The following ZDHHC11 variants were observed in gnomAD, a reference collection of about 807,000 sequenced individuals.
ZDHHC11 encodes the protein zDHHC palmitoyltransferase 11.
A neutral mutation model predicts 51.3 loss-of-function variants in ZDHHC11; 44 were observed. That is an observed-to-expected ratio of 0.86 (90% CI 0.67 to 1.10). ZDHHC11 has a LOEUF of 1.10. Ranked by LOEUF, ZDHHC11 falls within the 50% of genes least tolerant of loss-of-function variation. The pLI is 0.00. For missense variants in ZDHHC11, 400 were observed against 537.7 expected, an observed-to-expected ratio of 0.74 and a Z score of 2.53; for synonymous variants, 163 against 222.0, an observed-to-expected ratio of 0.73 and a Z score of 2.36.
chr5:844,525 G>C (rs554846509), intron 3 of ZDHHC11, among the ~76,000 whole-genome samples: 1 of 151,944 alleles, frequency 6.6e-6, no homozygotes, highest in African/African-American at 2.4e-5. Context: ...CAAGGAGCAC[G>C]CGGGCTCGGT....
At chr5:817,341 TTAA>T (rs1160291504) in intron 10 of ZDHHC11, among the ~76,000 whole-genome samples, 2 of 151,630 alleles carry the variant, frequency 1.3e-5, no homozygotes, top group Non-Finnish European at 3.0e-5. Context: ...TAAAAAATTA[TTAA>T]TGTGTTGCTG....
chr5:838,132 C>A (rs1030400344), intron 5 of ZDHHC11, among the ~76,000 whole-genome samples: 1 of 151,846 alleles, frequency 6.6e-6, no homozygotes, highest in African/African-American at 2.4e-5. Flanking sequence ...GGGGCTGAGA[C>A]AGGTCACCAT....
intron 7 of ZDHHC11, among the ~76,000 whole-genome samples, chr5:828,388 G>T: frequency 6.7e-6 from 1 of 149,450 alleles, no homozygotes; most frequent in Admixed American, 6.6e-5. Flanking sequence ...CCTCCTGGAC[G>T]GGGCGGCTGG....
intron 11 of ZDHHC11, among the ~76,000 whole-genome samples, chr5:806,967 T>C (rs1266470324): frequency 1.3e-5 from 2 of 151,038 alleles, no homozygotes; most frequent in African/African-American, 4.9e-5. Flanking sequence ...ATTCTAGCAA[T>C]TGCACCACTA....
chr5:799,542 A>G (rs1030345824), intron 12 of ZDHHC11, among the ~76,000 whole-genome samples: 16 of 151,536 alleles, frequency 1.1e-4, no homozygotes, highest in South Asian at 2.1e-4. Flanking sequence ...TGATGCTCAC[A>G]TGGAAGGATG....
At chr5:834,959 A>G (rs1287303691) in intron 6 of ZDHHC11, among the ~76,000 whole-genome samples, 1 of 151,936 alleles carries the variant, frequency 6.6e-6, no homozygotes, top group Admixed American at 6.5e-5. Flanking sequence ...AGTATCTCTC[A>G]TGTGTGCCTG....
chr5:806,651 A>T (rs925979750), intron 11 of ZDHHC11, among the ~76,000 whole-genome samples: 1 of 151,436 alleles, frequency 6.6e-6, no homozygotes, highest in Non-Finnish European at 1.5e-5. Flanking sequence ...AGGTTTGTAT[A>T]AAGAATATAT....
intron 11 of ZDHHC11, among the ~76,000 whole-genome samples, chr5:808,667 T>C (rs971365671): frequency 2.7e-5 from 4 of 148,418 alleles, no homozygotes; most frequent in Non-Finnish European, 3.0e-5. Context: ...TCCCGAGGAA[T>C]GGGATTACAG....
chr5:858,427 T>A (rs1748591589), intron 1 of ZDHHC11, among the ~76,000 whole-genome samples: 1 of 151,738 alleles, frequency 6.6e-6, no homozygotes, highest in Non-Finnish European at 1.5e-5. Flanking sequence ...CCGTGGTCCC[T>A]GAATCTATCC....
At chr5:841,796 T>A (rs1407801533) in intron 4 of ZDHHC11, 1 of 995,686 alleles carries the variant, frequency 1.0e-6, no homozygotes, top group Admixed American at 6.1e-5. Flanking sequence ...CAAGGCAGAA[T>A]GGCAGAGGGT....
intron 7 of ZDHHC11, among the ~76,000 whole-genome samples, chr5:833,435 G>C (rs556453719): frequency 2.8e-4 from 43 of 151,888 alleles, no homozygotes; most frequent in Admixed American, 2.2e-3. Context: ...CACTATTAGA[G>C]ATCATAAGAA....
At chr5:850,160 G>C (rs1469557605) in intron 1 of ZDHHC11, 1 of 579,180 alleles carries the variant, frequency 1.7e-6, no homozygotes, top group Non-Finnish European at 3.0e-6. Flanking sequence ...TTCCCTCTCC[G>C]GAGCCCCCTC....
intron 4 of ZDHHC11, chr5:843,298 G>C (rs1311149594): frequency 1.8e-6 from 1 of 550,824 alleles, no homozygotes; most frequent in Non-Finnish European, 3.1e-6. Flanking sequence ...AGGTGCTACA[G>C]GGATGACTGC....
chr5:829,737 TCAA>T (rs1346655113), intron 7 of ZDHHC11, among the ~76,000 whole-genome samples: 13 of 151,440 alleles, frequency 8.6e-5, no homozygotes, highest in Non-Finnish European at 4.4e-5. Context: ...GCAAAAATCC[TCAA>T]CAAAATACTA....
rs117279072 is a variant in ZDHHC11 at position 816,745 on chromosome 5, G to A, written c.1147-1950C>T. On this transcript the variant is annotated intron_variant, in intron 10 of 12. Transcript: ENST00000283441. ...ATCTAAGGAGAAGACCATCTTTCTC[G>A]TGGCCCACAGAAAAGAGCCTACAGG... The A allele has an allele frequency of 1.9e-3, 988 of 509,404 alleles. 19 individuals carry two copies. The East Asian group carries it at 0.032, about 16-fold the overall frequency. The allele number at this position is 509,404 out of a possible 1,614,324, so 31.6% of individuals were successfully genotyped here. A position where few individuals can be genotyped will look rare whatever the true frequency, so the allele number is the denominator to read the frequency against.
At chr5:825,468 CTT>C (rs1160925771) in intron 7 of ZDHHC11, among the ~76,000 whole-genome samples, 2 of 152,124 alleles carry the variant, frequency 1.3e-5, no homozygotes, top group African/African-American at 4.8e-5. Context: ...GACCATGACT[CTT>C]TGCCACTGGG....
rs192917049 is a variant in ZDHHC11, at chr5:843,309, G to A, written c.628+291C>T. 83 of 559,184 alleles carry A rather than the reference G, an allele frequency of 1.5e-4. No homozygotes were observed. The East Asian group carries it at 1.9e-3, about 13-fold the overall frequency. 34.6% of individuals were successfully genotyped at this position (559,184 alleles called of 1,614,324 possible). ...TGACAGGTGCTACAGGGATGACTGC[G>A]GAGGGCAGGGGCAGAGGTGGACCCC... On this transcript the variant is annotated intron_variant, in intron 4 of 12. Coordinates refer to ENST00000283441, the MANE Select transcript of ZDHHC11 (RefSeq NM_024786.3).
At chr5:846,425 G>C (rs552798082) in intron 3 of ZDHHC11, among the ~76,000 whole-genome samples, 11 of 150,842 alleles carry the variant, frequency 7.3e-5, no homozygotes, top group Non-Finnish European at 1.3e-4. Context: ...ACGGGGCCTT[G>C]AGAGTCCCTG....
At chr5:833,132 G>A (rs1743273829) in intron 7 of ZDHHC11, among the ~76,000 whole-genome samples, 1 of 152,258 alleles carries the variant, frequency 6.6e-6, no homozygotes, top group Non-Finnish European at 1.5e-5. Context: ...ATCTCATAGT[G>A]AGAAGAGCGA....
Sources: gnomAD v4.1 joint callset for allele counts (sites outside exome capture counted in the v4.1 genomes callset) on GRCh38, gnomAD v4.1.1 for gene constraint, MANE v1.5 for transcripts, NCBI Gene and HGNC (gene_info 2026-07-23, HGNC 2026-07-21) for gene names.